The following SHISA9 variants were observed in gnomAD, a reference collection of about 807,000 sequenced individuals.
SHISA9 encodes the protein protein shisa-9.
A neutral mutation model predicts 38.0 loss-of-function variants in SHISA9; 13 were observed. That is an observed-to-expected ratio of 0.34 (90% CI 0.22 to 0.54). SHISA9 has a LOEUF of 0.54. SHISA9 is among the 20% of genes least tolerant of loss of function. SHISA9 has a pLI of 0.91. For missense variants in SHISA9, 538 were observed against 575.8 expected, an observed-to-expected ratio of 0.93 and a Z score of 0.67; for synonymous variants, 275 against 242.0, an observed-to-expected ratio of 1.14 and a Z score of -1.27.
At chr16:13,011,764 G>A (rs962249421) in intron 2 of SHISA9, among the ~76,000 whole-genome samples, 87 of 151,648 alleles carry the variant, frequency 5.7e-4, no homozygotes, top group African/African-American at 1.9e-3. Flanking sequence ...CTCGTGATCC[G>A]CCTGCCTCGG....
At position 13,037,101 on chromosome 16, in the gene SHISA9, CA is replaced by C. The variant is rs1567190801; in HGVS notation, c.691+120287del. ...ACACACACCACACCACACACACACA[CA>C]CACACAGACACACACACACACACAC... On this transcript the variant is annotated intron_variant, in intron 2 of 4. Coordinates refer to ENST00000558583, the MANE Select transcript of SHISA9 (RefSeq NM_001145204.3). Among the ~76,000 whole-genome samples the C allele has an allele frequency of 7.1e-3, 413 of 58,040 alleles. 10 individuals are homozygous for C. Among genetic ancestry groups the C allele is most frequent in the African/African-American group, 0.028 (403 of 14,226 alleles). 38.1% of individuals were successfully genotyped at this position (58,040 alleles called of 152,430 possible). A position where few individuals can be genotyped will look rare whatever the true frequency, so the allele number is the denominator to read the frequency against.
chr16:13,347,059 A>G, the SHISA9 span, among the ~76,000 whole-genome samples: 4 of 152,214 alleles, frequency 2.6e-5, no homozygotes, highest in Admixed American at 1.3e-4. Context: ...CTCAAAAACA[A>G]TCAAAGGAAA....
intron 2 of SHISA9, among the ~76,000 whole-genome samples, chr16:13,118,643 C>T (rs888001755): frequency 6.6e-6 from 1 of 151,926 alleles, no homozygotes; most frequent in African/African-American, 2.4e-5. Flanking sequence ...CAGGGGATGC[C>T]GATGGTGACC....
chr16:13,256,077 C>G, the SHISA9 span, among the ~76,000 whole-genome samples: 3 of 152,130 alleles, frequency 2.0e-5, no homozygotes, highest in Non-Finnish European at 2.9e-5. Flanking sequence ...GGAAGTTCCC[C>G]CATACATTCA....
the SHISA9 span, among the ~76,000 whole-genome samples, chr16:13,515,196 T>A: frequency 6.6e-6 from 1 of 151,970 alleles, no homozygotes; most frequent in South Asian, 2.1e-4. Flanking sequence ...TGCTAAAAAA[T>A]AAAGTCTAGT....
chr16:12,929,036 A>C lies in SHISA9; in HGVS notation c.691+12221A>C, dbSNP rs553304324. Reference sequence around the variant, plus strand: ...CATACATGTGGCCAAAAAACATAGAAAAAGTGCAACATTACTGATCATTAG... The same window carrying C: ...CATACATGTGGCCAAAAAACATAGACAAAGTGCAACATTACTGATCATTAG... On this transcript the variant is annotated intron_variant, in intron 2 of 4. Coordinates refer to ENST00000558583, the MANE Select transcript of SHISA9 (RefSeq NM_001145204.3). 2.6e-5 allele frequency among the ~76,000 whole-genome samples: 4 copies of C among 152,368 alleles called. No individual in the cohort carries two copies. In the South Asian group the frequency reaches 8.3e-4, roughly 32 times the overall value.
the SHISA9 span, among the ~76,000 whole-genome samples, chr16:13,334,882 C>G: frequency 6.6e-6 from 1 of 152,104 alleles, no homozygotes. Flanking sequence ...GGGAGCCTGC[C>G]ACATCAATGC....
intron 2 of SHISA9, among the ~76,000 whole-genome samples, chr16:13,194,070 C>T (rs763138281): frequency 6.6e-6 from 1 of 152,276 alleles, no homozygotes; most frequent in East Asian, 1.9e-4. Flanking sequence ...TAGTCTTCCT[C>T]CTCTCTCTTT....
the SHISA9 span, among the ~76,000 whole-genome samples, chr16:13,359,151 CAATA>C: frequency 4.0e-5 from 6 of 151,694 alleles, no homozygotes; most frequent in Admixed American, 2.6e-4. Flanking sequence ...GTCTGCAAAA[CAATA>C]AATCTTCAAA....
intron 2 of SHISA9, among the ~76,000 whole-genome samples, chr16:12,953,640 T>C (rs2071789478): frequency 6.6e-6 from 1 of 152,138 alleles, no homozygotes; most frequent in African/African-American, 2.4e-5. Context: ...GCCTTGGGGC[T>C]CAGGCTTGCT....
the SHISA9 span, among the ~76,000 whole-genome samples, chr16:13,455,869 TGTGA>T: frequency 6.6e-6 from 1 of 152,196 alleles, no homozygotes; most frequent in African/African-American, 2.4e-5. Flanking sequence ...TGTTGATGAC[TGTGA>T]GTTTTTCTCT....
At chr16:13,329,829 G>A in the SHISA9 span, among the ~76,000 whole-genome samples, 33 of 152,154 alleles carry the variant, frequency 2.2e-4, no homozygotes, top group Non-Finnish European at 1.0e-4. Context: ...TTGTTTGTTC[G>A]GGTTCAATTT....
intron 2 of SHISA9, among the ~76,000 whole-genome samples, chr16:13,065,161 C>G (rs1035929470): frequency 2.6e-5 from 4 of 152,172 alleles, no homozygotes; most frequent in African/African-American, 9.7e-5. Flanking sequence ...CCTGGTATGT[C>G]ACTCCTCCAC....
At chr16:13,042,444 A>G (rs2073143285) in intron 2 of SHISA9, among the ~76,000 whole-genome samples, 1 of 152,166 alleles carries the variant, frequency 6.6e-6, no homozygotes, top group Non-Finnish European at 1.5e-5. Context: ...CAGGCTTCCC[A>G]AACAGAGACA....
chr16:13,028,732 A>C (rs1224164067), intron 2 of SHISA9, among the ~76,000 whole-genome samples: 1 of 152,218 alleles, frequency 6.6e-6, no homozygotes, highest in East Asian at 1.9e-4. Context: ...CCCATGGAGA[A>C]GAGCTTCTTC....
intron 2 of SHISA9, among the ~76,000 whole-genome samples, chr16:13,166,588 G>A (rs976701108): frequency 4.6e-5 from 7 of 152,002 alleles, no homozygotes; most frequent in African/African-American, 1.5e-4. Context: ...TTTATCTACT[G>A]TGTTATCATT....
At chr16:13,090,435 C>T (rs186635651) in intron 2 of SHISA9, among the ~76,000 whole-genome samples, 141 of 152,182 alleles carry the variant, frequency 9.3e-4, no homozygotes, top group African/African-American at 1.3e-3. Flanking sequence ...ATGTGGGAGT[C>T]GACATCTCTT....
At chr16:13,346,207 A>G in the SHISA9 span, among the ~76,000 whole-genome samples, 162 of 152,270 alleles carry the variant, frequency 1.1e-3, no homozygotes, top group Admixed American at 2.2e-3. Flanking sequence ...AAGTGAGAAC[A>G]TATGGTATTT....
chr16:13,190,535 CT>C (rs1387186353), intron 2 of SHISA9, among the ~76,000 whole-genome samples: 3 of 152,224 alleles, frequency 2.0e-5, no homozygotes, highest in Admixed American at 1.3e-4. Flanking sequence ...GCAAGGCCCC[CT>C]GCCTTCTAAA....
Sources: gnomAD v4.1 joint callset for allele counts (sites outside exome capture counted in the v4.1 genomes callset) on GRCh38, gnomAD v4.1.1 for gene constraint, MANE v1.5 for transcripts, NCBI Gene and HGNC (gene_info 2026-07-23, HGNC 2026-07-21) for gene names.